DLG2: variants seen among roughly 807,000 people sequenced by gnomAD.
The protein encoded by DLG2 is discs large MAGUK scaffold protein 2, also known as disks large homolog 2.
DLG2 carries 45 observed loss-of-function variants against 132.5 expected under a neutral mutation model. The ratio of observed to expected loss-of-function variants is 0.34; its 90% CI spans 0.27 to 0.44. The LOEUF (loss-of-function observed/expected upper bound fraction) is 0.44, where lower values mean the gene tolerates loss of function less well. DLG2 is among the 20% of genes least tolerant of loss of function. The probability of loss-of-function intolerance (pLI) is 1.00; values close to 1 mark genes in which losing one functional copy is unlikely to be tolerated. For synonymous variants in DLG2, 424 were observed against 419.6 expected, an observed-to-expected ratio of 1.01 and a Z score of -0.13; for missense variants, 1,045 against 1,196.9, an observed-to-expected ratio of 0.87 and a Z score of 1.87.
chr11:84,923,156 T>C lies in DLG2; in HGVS notation c.357+188505A>G, dbSNP rs370895422. ...GGAGCATATGGACCGGTATTCAGCT[T>C]CTCAGCACAGCGCAAGCCCCACACA... On this transcript the variant is annotated intron_variant, in intron 6 of 27. Coordinates refer to ENST00000376104, the MANE Select transcript of DLG2 (RefSeq NM_001142699.3). The C allele has an allele frequency of 3.9e-4, 635 of 1,613,186 alleles. 3 individuals carry two copies. The highest frequency in any genetic ancestry group is 2.8e-3 in the South Asian group (258 of 91,032).
chr11:84,890,508 G>C (rs544953590), intron 6 of DLG2, among the ~76,000 whole-genome samples: 1 of 152,240 alleles, frequency 6.6e-6, no homozygotes, highest in Non-Finnish European at 1.5e-5. Flanking sequence ...CTCCCCGGAG[G>C]AGAAGAAACA....
At chr11:84,982,790 A>G (rs2055939820) in intron 6 of DLG2, among the ~76,000 whole-genome samples, 1 of 152,184 alleles carries the variant, frequency 6.6e-6, no homozygotes, top group Non-Finnish European at 1.5e-5. Flanking sequence ...CAAAAAAAAA[A>G]TCAATATGGT....
intron 11 of DLG2, among the ~76,000 whole-genome samples, chr11:84,029,597 T>A (rs1028945961): frequency 1.3e-5 from 2 of 152,054 alleles, no homozygotes; most frequent in Admixed American, 1.3e-4. Flanking sequence ...ACAGTAAAAA[T>A]ACATATTGCA....
chr11:85,476,756 T>A (rs946333625), intron 3 of DLG2, among the ~76,000 whole-genome samples: 1 of 152,134 alleles, frequency 6.6e-6, no homozygotes, highest in Non-Finnish European at 1.5e-5. Context: ...TCAGGGACAA[T>A]AACATACATG....
intron 3 of DLG2, among the ~76,000 whole-genome samples, chr11:85,442,940 G>C (rs552717289): frequency 1.3e-5 from 2 of 152,056 alleles, no homozygotes; most frequent in South Asian, 4.2e-4. Context: ...GGAGGAAGAA[G>C]GAGGGAAGAT....
intron 4 of DLG2, among the ~76,000 whole-genome samples, chr11:85,273,623 G>A (rs2077689157): frequency 6.6e-6 from 1 of 152,204 alleles, no homozygotes; most frequent in Non-Finnish European, 1.5e-5. Flanking sequence ...TGGAGAGGAT[G>A]TGGAGAAATA....
intron 18 of DLG2, among the ~76,000 whole-genome samples, chr11:83,699,551 A>G (rs1592676294): frequency 6.6e-6 from 1 of 150,486 alleles, no homozygotes; most frequent in East Asian, 1.9e-4. Context: ...AAAAGAAAAA[A>G]AAAAAAAAAC....
At chr11:84,910,544 C>A (rs933659269) in intron 6 of DLG2, among the ~76,000 whole-genome samples, 7 of 151,958 alleles carry the variant, frequency 4.6e-5, no homozygotes, top group Non-Finnish European at 1.0e-4. Flanking sequence ...TGACTCTGGC[C>A]CTTGTACAGA....
chr11:84,645,517 G>C (rs576487084), intron 6 of DLG2, among the ~76,000 whole-genome samples: 103 of 152,258 alleles, frequency 6.8e-4, no homozygotes, highest in Non-Finnish European at 1.3e-3. Flanking sequence ...ACCCAGGCCA[G>C]AGTGCAGTCG....
In DLG2 at chr11:84,502,414, C is replaced by T. The variant is rs1283204672; in HGVS notation, c.519+32156G>A. ...TCTTTCTTTCTTTCTTTCTTTCTTT[C>T]TATACAGAGTCTCATGCTGTCACCC... On this transcript the variant is annotated intron_variant, in intron 7 of 27. Coordinates refer to ENST00000376104, the MANE Select transcript of DLG2 (RefSeq NM_001142699.3). Among the ~76,000 whole-genome samples, 2 of 121,930 alleles carry T rather than the reference C, an allele frequency of 1.6e-5. 1 individual carries two copies. Among genetic ancestry groups the T allele is most frequent in the Non-Finnish European group, 3.3e-5 (2 of 60,202 alleles). 80.0% of individuals were successfully genotyped at this position (121,930 alleles called of 152,430 possible). A position where few individuals can be genotyped will look rare whatever the true frequency, so the allele number is the denominator to read the frequency against.
At chr11:83,623,300 G>A (rs2061939355) in intron 19 of DLG2, among the ~76,000 whole-genome samples, 1 of 151,994 alleles carries the variant, frequency 6.6e-6, no homozygotes, top group Non-Finnish European at 1.5e-5. Context: ...ATATTAATTT[G>A]ATTAACAAGG....
intron 6 of DLG2, among the ~76,000 whole-genome samples, chr11:84,695,891 C>G (rs2058562747): frequency 6.6e-6 from 1 of 151,394 alleles, no homozygotes; most frequent in South Asian, 2.1e-4. Context: ...GTACTGTTTA[C>G]TGAAATGTAA....
At chr11:84,374,792 T>TA (rs2098722557) in intron 7 of DLG2, among the ~76,000 whole-genome samples, 1 of 152,114 alleles carries the variant, frequency 6.6e-6, no homozygotes, top group Non-Finnish European at 1.5e-5. Context: ...GCTGGACACA[T>TA]AAACACTAGA....
At chr11:83,867,812 C>T (rs1463616808) in intron 16 of DLG2, among the ~76,000 whole-genome samples, 1 of 152,158 alleles carries the variant, frequency 6.6e-6, no homozygotes, top group Non-Finnish European at 1.5e-5. Context: ...TTTCCTAGCT[C>T]TCCATAGTCT....
At chr11:84,552,329 C>A (rs1271684497) in intron 6 of DLG2, among the ~76,000 whole-genome samples, 1 of 152,154 alleles carries the variant, frequency 6.6e-6, no homozygotes, top group Non-Finnish European at 1.5e-5. Context: ...GCTTCTTCAT[C>A]TTTTCCCACC....
At chr11:85,331,105 G>C (rs1186690849) in intron 3 of DLG2, among the ~76,000 whole-genome samples, 1 of 152,080 alleles carries the variant, frequency 6.6e-6, no homozygotes, top group Non-Finnish European at 1.5e-5. Flanking sequence ...CCATAATGTT[G>C]ACATTCACTT....
chr11:83,744,328 G>T (rs1262035824), intron 18 of DLG2, among the ~76,000 whole-genome samples: 1 of 152,130 alleles, frequency 6.6e-6, no homozygotes, highest in Non-Finnish European at 1.5e-5. Context: ...AAACTACATA[G>T]GATAGTTTCT....
chr11:85,354,272 T>A (rs1455116827), intron 3 of DLG2, among the ~76,000 whole-genome samples: 1 of 152,132 alleles, frequency 6.6e-6, no homozygotes, highest in Non-Finnish European at 1.5e-5. Context: ...TGATATAAAT[T>A]AAAACTAACT....
chr11:83,694,138 C>T (rs1198769693), intron 18 of DLG2, among the ~76,000 whole-genome samples: 1 of 152,194 alleles, frequency 6.6e-6, no homozygotes, highest in African/African-American at 2.4e-5. Flanking sequence ...CCCAGGATCA[C>T]ACAGGTAGTA....
Sources: allele counts gnomAD v4.1 joint callset (sites outside exome capture counted in the v4.1 genomes callset), GRCh38; gene constraint gnomAD v4.1.1; transcripts MANE v1.5; gene names NCBI Gene and HGNC (gene_info 2026-07-23, HGNC 2026-07-21).